ZNF804A: variants seen among roughly 807,000 people sequenced by gnomAD.
The protein encoded by ZNF804A is zinc finger protein 804A.
ZNF804A carries 2 observed loss-of-function variants against 16.5 expected under a neutral mutation model. That is an observed-to-expected ratio of 0.12 (90% confidence interval 0.05 to 0.38). ZNF804A has a LOEUF of 0.38. Ranked by LOEUF, ZNF804A falls within the 10% of genes least tolerant of loss-of-function variation. ZNF804A has a pLI of 0.99. For synonymous variants in ZNF804A, 534 were observed against 489.6 expected (o/e 1.09, Z -1.20); for missense variants, 1,473 against 1,390.7 (o/e 1.06, Z -0.94).
chr2:184,759,907 C>T (rs1462200441), intron 1 of ZNF804A, among the ~76,000 whole-genome samples: 1 of 152,106 alleles, frequency 6.6e-6, no homozygotes, highest in East Asian at 1.9e-4. Flanking sequence ...CCTCTATCTC[C>T]CTTTGCTGAC....
chr2:184,882,372 C>T (rs1684821714), intron 2 of ZNF804A, among the ~76,000 whole-genome samples: 1 of 151,932 alleles, frequency 6.6e-6, no homozygotes, highest in Non-Finnish European at 1.5e-5. Context: ...GAATTCAATA[C>T]CCCACTGACA....
At chr2:184,733,631 A>G (rs1693558724) in intron 1 of ZNF804A, among the ~76,000 whole-genome samples, 1 of 152,182 alleles carries the variant, frequency 6.6e-6, no homozygotes, top group African/African-American at 2.4e-5. Flanking sequence ...AGAATACTTT[A>G]GTAAACCCAT....
At chr2:184,888,553 G>T (rs963293534) in intron 2 of ZNF804A, among the ~76,000 whole-genome samples, 1 of 152,104 alleles carries the variant, frequency 6.6e-6, no homozygotes, top group East Asian at 1.9e-4. Context: ...ATCCCAAAGT[G>T]ATGGATACAA....
At chr2:184,919,035 A>G (rs1438000197) in intron 2 of ZNF804A, among the ~76,000 whole-genome samples, 3 of 152,158 alleles carry the variant, frequency 2.0e-5, no homozygotes, top group Non-Finnish European at 2.9e-5. Context: ...ATGGTAAGAG[A>G]AGTTAATTTC....
intron 1 of ZNF804A, among the ~76,000 whole-genome samples, chr2:184,835,362 T>A (rs1032422656): frequency 1.1e-4 from 17 of 152,050 alleles, no homozygotes; most frequent in African/African-American, 4.1e-4. Flanking sequence ...AACTTGCAAA[T>A]TAAAGGGCAG....
At chr2:184,832,220 G>T (rs1466799109) in intron 1 of ZNF804A, among the ~76,000 whole-genome samples, 1 of 151,914 alleles carries the variant, frequency 6.6e-6, no homozygotes, top group African/African-American at 2.4e-5. Context: ...CCAGTGGGGG[G>T]TCCTAGATAT....
chr2:184,675,020 A>G (rs948680379), intron 1 of ZNF804A, among the ~76,000 whole-genome samples: 1 of 151,784 alleles, frequency 6.6e-6, no homozygotes, highest in South Asian at 2.1e-4. Context: ...TGCCTTAGTT[A>G]TGTATATACG....
At chr2:184,759,474 T>C (rs1035382359) in intron 1 of ZNF804A, among the ~76,000 whole-genome samples, 1 of 151,836 alleles carries the variant, frequency 6.6e-6, no homozygotes, top group Non-Finnish European at 1.5e-5. Flanking sequence ...TTTCTGTAAA[T>C]CTAAAATTAT....
chr2:184,631,202 C>A (rs1187661268), intron 1 of ZNF804A, among the ~76,000 whole-genome samples: 1 of 151,976 alleles, frequency 6.6e-6, no homozygotes, highest in African/African-American at 2.4e-5. Context: ...AGTGTGTCTC[C>A]AGACAGTGAA....
intron 1 of ZNF804A, among the ~76,000 whole-genome samples, chr2:184,765,752 C>G (rs978905821): frequency 5.9e-5 from 9 of 151,970 alleles, no homozygotes; most frequent in African/African-American, 2.2e-4. Context: ...GTTTTGTATA[C>G]GGCTCGTCCT....
Position 184,666,536 on chromosome 2 carries a change from A to G in ZNF804A, c.111+67466A>G, listed in dbSNP as rs575862081. Among the ~76,000 whole-genome samples the G allele has an allele frequency of 9.2e-5, 14 of 152,198 alleles. No individual in the cohort carries two copies. The East Asian group carries it at 2.7e-3, about 29-fold the overall frequency. On this transcript the variant is annotated intron_variant, in intron 1 of 3. Coordinates refer to ENST00000302277, the MANE Select transcript of ZNF804A (RefSeq NM_194250.2). Reference sequence around the variant, plus strand: ...TATCCCTACACTTTATATTTTAATTATAAGCTGTAATAGTATTAAACACTA... The same window carrying G: ...TATCCCTACACTTTATATTTTAATTGTAAGCTGTAATAGTATTAAACACTA...
chr2:184,722,883 T>G (rs949511771), intron 1 of ZNF804A, among the ~76,000 whole-genome samples: 2 of 152,028 alleles, frequency 1.3e-5, no homozygotes, highest in Non-Finnish European at 2.9e-5. Flanking sequence ...TGCTTCATGT[T>G]AACGGTATTT....
intron 1 of ZNF804A, among the ~76,000 whole-genome samples, chr2:184,719,088 A>C (rs535741761): frequency 2.4e-4 from 37 of 152,150 alleles, no homozygotes; most frequent in Non-Finnish European, 3.7e-4. Flanking sequence ...AGGTTCTCAA[A>C]CCCCAGTTCT....
At chr2:184,928,194 G>C (rs1685638742) in intron 2 of ZNF804A, among the ~76,000 whole-genome samples, 1 of 152,092 alleles carries the variant, frequency 6.6e-6, no homozygotes, top group Admixed American at 6.6e-5. Context: ...GTTAGCAAGT[G>C]ATCAATTCTG....
chr2:184,904,111 A>C (rs984455977), intron 2 of ZNF804A, among the ~76,000 whole-genome samples: 1 of 152,080 alleles, frequency 6.6e-6, no homozygotes, highest in South Asian at 2.1e-4. Flanking sequence ...TTTAAAATTC[A>C]ATTTGCAACA....
chr2:184,799,505 C>T (rs1374209092), intron 1 of ZNF804A, among the ~76,000 whole-genome samples: 1 of 151,952 alleles, frequency 6.6e-6, no homozygotes, highest in Non-Finnish European at 1.5e-5. Flanking sequence ...GTTAAGAAGG[C>T]ATTAGCAAGT....
At chr2:184,722,609 T>C in intron 1 of ZNF804A, among the ~76,000 whole-genome samples, 1 of 152,020 alleles carries the variant, frequency 6.6e-6, no homozygotes, top group East Asian at 1.9e-4. Flanking sequence ...GACGTATGAA[T>C]TGGTTAAATA....
At chr2:184,605,376 T>G (rs1021820964) in intron 1 of ZNF804A, among the ~76,000 whole-genome samples, 1 of 152,172 alleles carries the variant, frequency 6.6e-6, no homozygotes. Context: ...CTAAACCATT[T>G]GATCTGTTTT....
intron 1 of ZNF804A, among the ~76,000 whole-genome samples, chr2:184,626,258 A>G (rs1271800172): frequency 1.3e-5 from 2 of 152,106 alleles, no homozygotes; most frequent in East Asian, 1.9e-4. Flanking sequence ...TTTAATTAGT[A>G]TTTTGAGAGC....
Sources: allele counts gnomAD v4.1 joint callset (sites outside exome capture counted in the v4.1 genomes callset), GRCh38; gene constraint gnomAD v4.1.1; transcripts MANE v1.5; gene names NCBI Gene and HGNC (gene_info 2026-07-23, HGNC 2026-07-21).